CELF2: variants seen among roughly 807,000 people sequenced by gnomAD.
CELF2 encodes CUG triplet repeat RNA-binding protein 2.
CELF2 carries 8 observed loss-of-function variants against 62.6 expected under a neutral mutation model. The ratio of observed to expected loss-of-function variants is 0.13; its 90% CI spans 0.07 to 0.23. The LOEUF is 0.23. CELF2 is among the 10% of genes least tolerant of loss of function. The pLI, the probability that CELF2 is intolerant of heterozygous loss-of-function variation, is 1.00. For missense variants in CELF2, 333 were observed against 671.0 expected, an observed-to-expected ratio of 0.50 and a Z score of 5.56; for synonymous variants, 258 against 250.0, an observed-to-expected ratio of 1.03 and a Z score of -0.30.
At chr10:10,466,507 A>G in the CELF2 span, among the ~76,000 whole-genome samples, 6 of 152,112 alleles carry the variant, frequency 3.9e-5, no homozygotes, top group African/African-American at 1.4e-4. Flanking sequence ...GTAAAGCTGT[A>G]TGAATATTCA....
chr10:10,564,887 T>C, the CELF2 span, among the ~76,000 whole-genome samples: 1 of 152,012 alleles, frequency 6.6e-6, no homozygotes, highest in Non-Finnish European at 1.5e-5. Context: ...AGGCTCCCAG[T>C]TAATAAGCAA....
rs1485080928 is a variant in CELF2, at chr10:10,829,115, A to G, written c.53+30298A>G. On this transcript the variant is annotated intron_variant, in intron 1 of 13. Coordinates refer to the CELF2 transcript ENST00000636488. Reference sequence around the variant, plus strand: ...GATCTCCTGTGTTGAGGAATGGTTCATTGTCATCAATCTTATCTTCTCACC... The same window carrying G: ...GATCTCCTGTGTTGAGGAATGGTTCGTTGTCATCAATCTTATCTTCTCACC... Among the ~76,000 whole-genome samples the G allele has an allele frequency of 3.9e-5, 6 of 152,236 alleles. No individual in the cohort carries two copies. In the East Asian group the frequency reaches 1.2e-3, roughly 29 times the overall value.
chr10:10,872,670 ACAAC>A, intron 1 of CELF2, among the ~76,000 whole-genome samples: 2 of 149,956 alleles, frequency 1.3e-5, no homozygotes, highest in Non-Finnish European at 1.5e-5. Flanking sequence ...AACAACAACA[ACAAC>A]AAAAAACTGC....
chr10:11,250,780 G>A (rs1829561418), intron 4 of CELF2, among the ~76,000 whole-genome samples: 1 of 152,212 alleles, frequency 6.6e-6, no homozygotes, highest in Admixed American at 6.5e-5. Flanking sequence ...CTTCCCCTGA[G>A]CCCAAGACTC....
At chr10:10,719,559 T>TA in the CELF2 span, among the ~76,000 whole-genome samples, 9 of 152,280 alleles carry the variant, frequency 5.9e-5, no homozygotes, top group African/African-American at 2.2e-4. Flanking sequence ...AGCCACTGTG[T>TA]ACCCAGCCTA....
chr10:10,874,826 C>T (rs915550215), intron 1 of CELF2, among the ~76,000 whole-genome samples: 1 of 152,098 alleles, frequency 6.6e-6, no homozygotes, highest in Non-Finnish European at 1.5e-5. Flanking sequence ...CATTTCAATA[C>T]CTGTTCTAGA....
chr10:10,701,107 T>C, the CELF2 span, among the ~76,000 whole-genome samples: 2 of 152,208 alleles, frequency 1.3e-5, 1 homozygote, highest in African/African-American at 4.8e-5. Flanking sequence ...CAAGGTAGCA[T>C]TTGCATTTCT....
At chr10:11,036,207 G>C (rs893279490) in intron 1 of CELF2, among the ~76,000 whole-genome samples, 18 of 152,262 alleles carry the variant, frequency 1.2e-4, no homozygotes, top group African/African-American at 4.3e-4. Context: ...ATAATTTTAG[G>C]ATCATTTCTC....
At chr10:10,610,247 A>G in the CELF2 span, among the ~76,000 whole-genome samples, 1 of 152,228 alleles carries the variant, frequency 6.6e-6, no homozygotes, top group Admixed American at 6.5e-5. Flanking sequence ...TACAACCTCC[A>G]GCATTACTAA....
chr10:10,510,271 GAA>G, the CELF2 span, among the ~76,000 whole-genome samples: 1 of 152,124 alleles, frequency 6.6e-6, no homozygotes, highest in Non-Finnish European at 1.5e-5. Flanking sequence ...TTTCACTAAT[GAA>G]AAGTCATCTC....
Position 11,315,266 on chromosome 10 carries a change from C to G in CELF2, c.1096+1008C>G, listed in dbSNP as rs1023828656. Reference sequence around the variant, plus strand: ...ACGACAGCTAACAGAGCTGCTGATACGGGAGCCCAGTTAGCTACCATGCAG... The same window carrying G: ...ACGACAGCTAACAGAGCTGCTGATAGGGGAGCCCAGTTAGCTACCATGCAG... On this transcript the variant is annotated intron_variant, in intron 10 of 12. Coordinates refer to ENST00000633077, the MANE Select transcript of CELF2 (RefSeq NM_001326342.2). The surrounding 1 kb of genome is among the most constrained non-coding windows in gnomAD (Gnocchi z 5.8). Among the ~76,000 whole-genome samples, 1 of 152,140 alleles carries G rather than the reference C, an allele frequency of 6.6e-6. No individual in the cohort carries two copies. The highest frequency in any genetic ancestry group is 2.4e-5 in the African/African-American group (1 of 41,400).
the CELF2 span, among the ~76,000 whole-genome samples, chr10:10,488,232 T>C: frequency 6.6e-6 from 1 of 152,162 alleles, no homozygotes; most frequent in Non-Finnish European, 1.5e-5. Flanking sequence ...AATCCTTATT[T>C]GGAAATCAAT....
At chr10:11,114,411 A>G (rs2056050788) in intron 1 of CELF2, among the ~76,000 whole-genome samples, 1 of 152,242 alleles carries the variant, frequency 6.6e-6, no homozygotes, top group Non-Finnish European at 1.5e-5. Flanking sequence ...CATATCAAAG[A>G]AAATGTGACA....
At chr10:10,462,809 T>C in the CELF2 span, among the ~76,000 whole-genome samples, 3 of 152,022 alleles carry the variant, frequency 2.0e-5, no homozygotes, top group Non-Finnish European at 2.9e-5. Context: ...ACCCCGATGA[T>C]GCTTCTCTCT....
chr10:11,221,357 C>G (rs2064819444), intron 3 of CELF2, among the ~76,000 whole-genome samples: 1 of 152,192 alleles, frequency 6.6e-6, no homozygotes, highest in Non-Finnish European at 1.5e-5. Context: ...GTCAAGGCAA[C>G]TTGCAAGATT....
chr10:10,570,969 G>T, the CELF2 span, among the ~76,000 whole-genome samples: 2 of 152,056 alleles, frequency 1.3e-5, no homozygotes, highest in Non-Finnish European at 2.9e-5. Context: ...TAAAATCAAA[G>T]CCTCACTGAA....
chr10:10,500,785 C>T, the CELF2 span, among the ~76,000 whole-genome samples: 7 of 152,308 alleles, frequency 4.6e-5, no homozygotes, highest in East Asian at 1.4e-3. Context: ...TTATCCTACC[C>T]ACTTGCCTCC....
At chr10:10,712,602 C>T in the CELF2 span, among the ~76,000 whole-genome samples, 301 of 152,266 alleles carry the variant, frequency 2.0e-3, 2 homozygotes, top group Non-Finnish European at 2.5e-3. Context: ...CTAGACTATT[C>T]TACTGAGACC....
At chr10:11,007,930 C>T (rs544217848) in intron 1 of CELF2, among the ~76,000 whole-genome samples, 10 of 152,176 alleles carry the variant, frequency 6.6e-5, no homozygotes, top group South Asian at 6.2e-4. Context: ...GGTACGGAAA[C>T]GAGGTAACTC....
Sources: gnomAD v4.1 joint callset for allele counts (sites outside exome capture counted in the v4.1 genomes callset) on GRCh38, gnomAD v4.1.1 for gene constraint, Gnocchi (gnomAD v3.1) non-coding constraint, MANE v1.5 for transcripts, NCBI Gene and HGNC (gene_info 2026-07-23, HGNC 2026-07-21) for gene names.